The following CTNNA3 variants were observed in gnomAD, a reference collection of about 807,000 sequenced individuals.
CTNNA3 encodes the protein catenin alpha 3, also known as catenin alpha-3.
In CTNNA3, 76 loss-of-function variants were observed where a neutral mutation model predicts 95.7. The ratio of observed to expected loss-of-function variants is 0.79; its 90% CI spans 0.66 to 0.96. The LOEUF (loss-of-function observed/expected upper bound fraction) is 0.96. Among genes scored for constraint, CTNNA3 ranks in the 40% least tolerant of loss-of-function variants. CTNNA3 has a pLI of 0.00. For synonymous variants in CTNNA3, 431 were observed against 374.4 expected (o/e 1.15, Z -1.74); for missense variants, 1,191 against 1,089.8 (o/e 1.09, Z -1.31).
intron 2 of CTNNA3, among the ~76,000 whole-genome samples, chr10:67,635,192 C>G (rs1564797915): frequency 1.3e-5 from 2 of 151,198 alleles, no homozygotes; most frequent in Non-Finnish European, 3.0e-5. Context: ...GCCTACCAAC[C>G]AAAAAAAAGG....
intron 12 of CTNNA3, among the ~76,000 whole-genome samples, chr10:66,347,323 C>T (rs1025725695): frequency 1.3e-5 from 2 of 151,832 alleles, no homozygotes; most frequent in Non-Finnish European, 2.9e-5. Context: ...TATTAAGAGC[C>T]AAACAGGCTG....
chr10:66,512,740 T>C (rs1416184135), intron 11 of CTNNA3, among the ~76,000 whole-genome samples: 1 of 152,150 alleles, frequency 6.6e-6, no homozygotes, highest in Non-Finnish European at 1.5e-5. Context: ...ATTTTATGTC[T>C]CCTTCATTTC....
chr10:66,935,685 A>G (rs534965450), intron 7 of CTNNA3, among the ~76,000 whole-genome samples: 10 of 152,122 alleles, frequency 6.6e-5, no homozygotes, highest in African/African-American at 2.4e-4. Flanking sequence ...ATGTGAAGAT[A>G]TTTTGGTATA....
chr10:65,953,087 A>G (rs958080153), intron 17 of CTNNA3, among the ~76,000 whole-genome samples: 1 of 152,202 alleles, frequency 6.6e-6, no homozygotes, highest in African/African-American at 2.4e-5. Flanking sequence ...CCTTTTTCAT[A>G]TATACAGGCT....
intron 13 of CTNNA3, among the ~76,000 whole-genome samples, chr10:66,113,993 G>A (rs1345942790): frequency 6.6e-6 from 1 of 152,124 alleles, no homozygotes; most frequent in South Asian, 2.1e-4. Context: ...GCTAAAAATG[G>A]TGGTGGCAGC....
chr10:66,135,324 A>C (rs369757998), intron 13 of CTNNA3, among the ~76,000 whole-genome samples: 147 of 152,276 alleles, frequency 9.7e-4, no homozygotes, highest in African/African-American at 3.3e-3. Context: ...GAGAAGGCAA[A>C]AAAACTGCCC....
chr10:66,155,268 G>A (rs2084431360), intron 13 of CTNNA3, among the ~76,000 whole-genome samples: 1 of 151,696 alleles, frequency 6.6e-6, no homozygotes, highest in Non-Finnish European at 1.5e-5. Context: ...GTATTGATAT[G>A]AGAACTCATT....
intron 3 of CTNNA3, among the ~76,000 whole-genome samples, chr10:67,579,503 A>G (rs975143975): frequency 2.0e-5 from 3 of 152,194 alleles, no homozygotes; most frequent in Non-Finnish European, 4.4e-5. Context: ...GAATAGTGCC[A>G]CAATAAACAT....
chr10:66,840,217 TA>T (rs1300312874), intron 7 of CTNNA3, among the ~76,000 whole-genome samples: 3 of 152,122 alleles, frequency 2.0e-5, no homozygotes, highest in African/African-American at 7.2e-5. Context: ...TTAGATGGAA[TA>T]TTTTTTCAAC....
chr10:67,373,860 C>T (rs181975057), intron 5 of CTNNA3, among the ~76,000 whole-genome samples: 121 of 152,228 alleles, frequency 7.9e-4, no homozygotes, highest in African/African-American at 2.7e-3. Flanking sequence ...GGAAACTTCA[C>T]TGTACATTTC....
At chr10:66,438,587 C>T (rs2131777926) in intron 11 of CTNNA3, among the ~76,000 whole-genome samples, 1 of 152,252 alleles carries the variant, frequency 6.6e-6, no homozygotes. Context: ...CTTCAGACTC[C>T]TGTGCTGACA....
chr10:66,393,600 T>G (rs973550407), intron 11 of CTNNA3, among the ~76,000 whole-genome samples: 1 of 152,164 alleles, frequency 6.6e-6, no homozygotes, highest in Middle Eastern at 3.4e-3. Context: ...TAAGAAAAAG[T>G]TTGGTCCTAT....
At chr10:66,616,559 A>G (rs1844521283) in intron 10 of CTNNA3, among the ~76,000 whole-genome samples, 1 of 152,046 alleles carries the variant, frequency 6.6e-6, no homozygotes, top group South Asian at 2.1e-4. Context: ...TATTTCAAAT[A>G]TCTCTGCTAA....
At chr10:67,354,513 T>A (rs1842742118) in intron 5 of CTNNA3, among the ~76,000 whole-genome samples, 1 of 151,982 alleles carries the variant, frequency 6.6e-6, no homozygotes, top group Non-Finnish European at 1.5e-5. Flanking sequence ...AGAGAAGAGA[T>A]ACTAAAAAAT....
chr10:66,108,038 A>G (rs551516414), intron 13 of CTNNA3, among the ~76,000 whole-genome samples: 1 of 152,040 alleles, frequency 6.6e-6, no homozygotes, highest in South Asian at 2.1e-4. Context: ...CTCTTAGGAA[A>G]CATGCTATGA....
At chr10:67,712,462 A>G (rs1385918203) in intron 1 of CTNNA3, among the ~76,000 whole-genome samples, 1 of 152,220 alleles carries the variant, frequency 6.6e-6, no homozygotes, top group African/African-American at 2.4e-5. Flanking sequence ...GAATGGTTTC[A>G]TGGGCTGGGC....
intron 3 of CTNNA3, among the ~76,000 whole-genome samples, chr10:67,581,421 G>A (rs551803439): frequency 7.2e-5 from 11 of 152,192 alleles, no homozygotes; most frequent in East Asian, 5.8e-4. Flanking sequence ...ACTTCATCAC[G>A]GTGGATAAGC....
At chr10:65,933,574 C>A (rs1014250423) in intron 17 of CTNNA3, among the ~76,000 whole-genome samples, 1 of 152,152 alleles carries the variant, frequency 6.6e-6, no homozygotes. Flanking sequence ...TTGAGATTGT[C>A]TTCTCCAGGA....
rs2086380185 is a variant in CTNNA3, at chr10:66,187,012, C to T, written c.1885-83763G>A. ...TCCAAGCCTGTGATTGCCTTGAAAA[C>T]CAGCAGTTCAACGATCATAGTAAAA... On this transcript the variant is annotated intron_variant, in intron 13 of 17. Coordinates refer to ENST00000433211, the MANE Select transcript of CTNNA3 (RefSeq NM_013266.4). Among the ~76,000 whole-genome samples, 3 of 152,270 alleles carry T rather than the reference C, an allele frequency of 2.0e-5. No homozygotes were observed. In the South Asian group the frequency reaches 6.2e-4, roughly 32 times the overall value.
Sources: allele counts gnomAD v4.1 joint callset (sites outside exome capture counted in the v4.1 genomes callset), GRCh38; gene constraint gnomAD v4.1.1; transcripts MANE v1.5; gene names NCBI Gene and HGNC (gene_info 2026-07-23, HGNC 2026-07-21).